The following CERS6 variants were observed in gnomAD, a reference collection of about 807,000 sequenced individuals.
CERS6 encodes ceramide synthase 6, also known as LAG1 homolog, ceramide synthase 6.
A neutral mutation model predicts 56.8 loss-of-function variants in CERS6; 26 were observed. The observed-to-expected ratio is 0.46, with a 90% CI of 0.34 to 0.63. The LOEUF (loss-of-function observed/expected upper bound fraction) is 0.63, where lower values mean the gene tolerates loss of function less well. Among genes scored for constraint, CERS6 ranks in the 30% least tolerant of loss-of-function variants. The pLI is 0.01. For synonymous variants in CERS6, 164 were observed against 173.3 expected (o/e 0.95, Z 0.42); for missense variants, 415 against 467.5 (o/e 0.89, Z 1.04).
At chr2:168,535,414 A>T (rs536048771) in intron 1 of CERS6, among the ~76,000 whole-genome samples, 20 of 152,188 alleles carry the variant, frequency 1.3e-4, no homozygotes, top group African/African-American at 4.8e-4. Context: ...GCTGGGTAGC[A>T]TGTTCACTTA....
At chr2:168,630,544 A>G (rs1485300825) in intron 3 of CERS6, among the ~76,000 whole-genome samples, 1 of 152,202 alleles carries the variant, frequency 6.6e-6, no homozygotes, top group Admixed American at 6.5e-5. Flanking sequence ...TTGTTAAAAG[A>G]CAAAGTGAAA....
At chr2:168,707,321 A>G (rs924787512) in intron 6 of CERS6, among the ~76,000 whole-genome samples, 9 of 152,156 alleles carry the variant, frequency 5.9e-5, no homozygotes, top group Non-Finnish European at 1.3e-4. Flanking sequence ...GTTGAAGTAG[A>G]TTCAATTCTA....
At chr2:168,708,500 C>A (rs1034592317) in intron 6 of CERS6, among the ~76,000 whole-genome samples, 8 of 152,034 alleles carry the variant, frequency 5.3e-5, no homozygotes, top group Non-Finnish European at 1.2e-4. Context: ...ATTATTACTG[C>A]AGTTGCCATA....
chr2:168,657,828 A>C (rs1299926857), intron 4 of CERS6, among the ~76,000 whole-genome samples: 1 of 151,910 alleles, frequency 6.6e-6, no homozygotes, highest in Non-Finnish European at 1.5e-5. Flanking sequence ...CTCCCTCCAC[A>C]CCTCCCTGCA....
intron 8 of CERS6, among the ~76,000 whole-genome samples, chr2:168,741,573 G>A (rs1683907489): frequency 6.6e-6 from 1 of 152,028 alleles, no homozygotes; most frequent in African/African-American, 2.4e-5. Context: ...ATTTGTGTTG[G>A]GCTGCATTCA....
Position 168,544,196 on chromosome 2 carries a change from A to G in CERS6, c.171-3400A>G, listed in dbSNP as rs568933386. ...TTAAATTCTATTAAGTTTGTCTGTT[A>G]TTCTTCTCTCTCTCTCTCTCACTGT... On this transcript the variant is annotated intron_variant, in intron 1 of 9. Coordinates refer to ENST00000305747, the MANE Select transcript of CERS6 (RefSeq NM_203463.3). Among the ~76,000 whole-genome samples the G allele has an allele frequency of 1.8e-3, 267 of 152,208 alleles. 1 individual carries two copies. The highest frequency in any genetic ancestry group is 2.9e-3 in the Non-Finnish European group (197 of 68,006).
chr2:168,505,418 T>C (rs932237220), intron 1 of CERS6, among the ~76,000 whole-genome samples: 1 of 145,094 alleles, frequency 6.9e-6, no homozygotes, highest in Admixed American at 6.9e-5. Context: ...AAAAGAAATA[T>C]GAGCCTGATG....
At chr2:168,643,046 C>G (rs187451296) in intron 4 of CERS6, among the ~76,000 whole-genome samples, 1 of 152,142 alleles carries the variant, frequency 6.6e-6, no homozygotes, top group African/African-American at 2.4e-5. Flanking sequence ...TCCGAATGGG[C>G]GGAGGTAATA....
At chr2:168,508,721 G>A (rs139729629) in intron 1 of CERS6, among the ~76,000 whole-genome samples, 3 of 152,026 alleles carry the variant, frequency 2.0e-5, no homozygotes, top group Non-Finnish European at 4.4e-5. Context: ...GGGGGTGGGG[G>A]GTAGGGGAGG....
chr2:168,526,765 T>C (rs1272895658), intron 1 of CERS6, among the ~76,000 whole-genome samples: 1 of 152,156 alleles, frequency 6.6e-6, no homozygotes, highest in African/African-American at 2.4e-5. Flanking sequence ...CCTGTGCGAG[T>C]GGCCTGACAG....
intron 4 of CERS6, among the ~76,000 whole-genome samples, chr2:168,674,865 T>G (rs904509526): frequency 1.3e-5 from 2 of 152,350 alleles, no homozygotes; most frequent in East Asian, 3.9e-4. Flanking sequence ...TACAGGATCT[T>G]AAATAGCTTT....
chr2:168,769,833 A>T lies in CERS6; in HGVS notation c.*171A>T. 1.6e-6 allele frequency: 1 copy of T among 630,996 alleles called. No homozygotes were observed. Among genetic ancestry groups the T allele is most frequent in the Non-Finnish European group, 2.7e-6 (1 of 371,250 alleles). 39.1% of individuals were successfully genotyped at this position (630,996 alleles called of 1,614,324 possible). On this transcript the variant is annotated 3_prime_UTR_variant, in exon 10 of 10. Coordinates refer to ENST00000305747, the MANE Select transcript of CERS6 (RefSeq NM_203463.3). ...TGTGTCCTGTCTGTGAATGAAGAAG[A>T]ATTACCATTCTCTCTTTGTAGGCAT...
chr2:168,713,309 C>T (rs1304476570), intron 6 of CERS6, among the ~76,000 whole-genome samples: 2 of 151,950 alleles, frequency 1.3e-5, no homozygotes, highest in East Asian at 3.9e-4. Flanking sequence ...TTGCTGTCTC[C>T]CCTAGAGAGA....
chr2:168,617,680 A>G (rs890651927), intron 3 of CERS6, among the ~76,000 whole-genome samples: 2 of 152,210 alleles, frequency 1.3e-5, no homozygotes, highest in African/African-American at 4.8e-5. Flanking sequence ...AGCTTAAATC[A>G]GGAAGAATTA....
chr2:168,692,661 C>T (rs1686535515), intron 5 of CERS6, among the ~76,000 whole-genome samples: 1 of 152,070 alleles, frequency 6.6e-6, no homozygotes. Context: ...CAGCATATAG[C>T]CCCCAAAATG....
chr2:168,470,771 G>C (rs1053962272), intron 1 of CERS6, among the ~76,000 whole-genome samples: 17 of 152,180 alleles, frequency 1.1e-4, no homozygotes, highest in African/African-American at 4.1e-4. Flanking sequence ...GGTTCAGGCA[G>C]TCAAGTGGTT....
At chr2:168,480,857 C>T (rs1694165070) in intron 1 of CERS6, among the ~76,000 whole-genome samples, 1 of 152,094 alleles carries the variant, frequency 6.6e-6, no homozygotes, top group Non-Finnish European at 1.5e-5. Flanking sequence ...ATGTTGGAAC[C>T]CTCAGACAAG....
intron 3 of CERS6, among the ~76,000 whole-genome samples, chr2:168,605,888 G>A (rs1253339819): frequency 6.6e-6 from 1 of 152,244 alleles, no homozygotes; most frequent in African/African-American, 2.4e-5. Context: ...GAAGCCTGCT[G>A]CAGGGACAGA....
At chr2:168,758,020 T>C (rs1684465230) in intron 8 of CERS6, among the ~76,000 whole-genome samples, 1 of 152,226 alleles carries the variant, frequency 6.6e-6, no homozygotes, top group Non-Finnish European at 1.5e-5. Context: ...CTTGTAATCA[T>C]GACTTAATTA....
Sources: allele counts gnomAD v4.1 joint callset (sites outside exome capture counted in the v4.1 genomes callset), GRCh38; gene constraint gnomAD v4.1.1; transcripts MANE v1.5; gene names NCBI Gene and HGNC (gene_info 2026-07-23, HGNC 2026-07-21).